The following MEMO1 variants were observed in gnomAD, a reference collection of about 807,000 sequenced individuals.
The protein encoded by MEMO1 is mediator of cell motility 1.
Under a neutral mutation model 45.2 loss-of-function variants are expected in MEMO1, and 6 were observed. That is an observed-to-expected ratio of 0.13 (90% CI 0.07 to 0.26). MEMO1 has a LOEUF of 0.26. Ranked by LOEUF, MEMO1 falls within the 10% of genes least tolerant of loss-of-function variation. The pLI is 1.00. For missense variants in MEMO1, 184 were observed against 370.5 expected, an observed-to-expected ratio of 0.50 and a Z score of 4.13; for synonymous variants, 78 against 124.3, an observed-to-expected ratio of 0.63 and a Z score of 2.48.
At chr2:31,970,970 C>T (rs925007471) in intron 2 of MEMO1, among the ~76,000 whole-genome samples, 4 of 152,206 alleles carry the variant, frequency 2.6e-5, no homozygotes, top group African/African-American at 2.4e-5. Flanking sequence ...CACCACTGCA[C>T]TCCAGCCTGG....
intron 2 of MEMO1, among the ~76,000 whole-genome samples, chr2:31,973,370 C>G (rs1572860871): frequency 6.6e-6 from 1 of 152,036 alleles, no homozygotes; most frequent in East Asian, 1.9e-4. Context: ...AGGAGAATTG[C>G]TTGAACCCAG....
chr2:32,006,771 C>T (rs1334628931), intron 2 of MEMO1, among the ~76,000 whole-genome samples: 2 of 151,940 alleles, frequency 1.3e-5, no homozygotes, highest in African/African-American at 4.8e-5. Context: ...TCAAGACCAG[C>T]CTGGCCAATA....
chr2:31,980,384 G>A (rs185548710), intron 2 of MEMO1, among the ~76,000 whole-genome samples: 7 of 152,208 alleles, frequency 4.6e-5, no homozygotes, highest in East Asian at 1.9e-4. Flanking sequence ...AATGAGCTAC[G>A]ATCACACCAC....
chr2:31,985,189 T>C (rs1671118385), intron 2 of MEMO1, among the ~76,000 whole-genome samples: 1 of 152,162 alleles, frequency 6.6e-6, no homozygotes, highest in Non-Finnish European at 1.5e-5. Flanking sequence ...ACTGGTTTTT[T>C]AAGAAAATAA....
intron 4 of MEMO1, chr2:31,923,788 A>G: frequency 6.7e-7 from 1 of 1,497,466 alleles, no homozygotes; most frequent in Non-Finnish European, 8.9e-7. Context: ...ATCTAAATTC[A>G]AGGCATACAT....
At chr2:31,946,835 C>A (rs1666252816) in intron 2 of MEMO1, among the ~76,000 whole-genome samples, 1 of 151,982 alleles carries the variant, frequency 6.6e-6, no homozygotes, top group African/African-American at 2.4e-5. Flanking sequence ...AGTGAGACTC[C>A]ATTGCAAAAA....
chr2:32,003,593 G>C (rs1241460795), intron 2 of MEMO1, among the ~76,000 whole-genome samples: 1 of 152,158 alleles, frequency 6.6e-6, no homozygotes, highest in Non-Finnish European at 1.5e-5. Context: ...GCATACATAT[G>C]CTCAAATCAA....
At chr2:31,943,513 G>C (rs1439057092) in intron 2 of MEMO1, 130 bp from the exon 3 acceptor site, 8 of 700,128 alleles carry the variant, frequency 1.1e-5, no homozygotes, top group Non-Finnish European at 1.3e-5. Flanking sequence ...TCATCAGTTG[G>C]GATGTTAATG....
chr2:31,987,101 T>C (rs1671354751), intron 2 of MEMO1, among the ~76,000 whole-genome samples: 1 of 152,182 alleles, frequency 6.6e-6, no homozygotes. Flanking sequence ...CTTACTGGGC[T>C]CATGTAATCC....
intron 8 of MEMO1, among the ~76,000 whole-genome samples, chr2:31,882,296 A>G (rs1675515131): frequency 6.6e-6 from 1 of 152,182 alleles, no homozygotes; most frequent in South Asian, 2.1e-4. Context: ...CAGCCTCAGT[A>G]ACGGAATGAG....
intron 2 of MEMO1, among the ~76,000 whole-genome samples, chr2:31,995,078 C>T (rs1672426449): frequency 6.6e-6 from 1 of 151,664 alleles, no homozygotes; most frequent in Admixed American, 6.6e-5. Context: ...ATACCCAGAC[C>T]CAGAAATTAT....
rs397800267 is a variant in MEMO1 at position 31,993,949 on chromosome 2, C to CTTTTTTTTT, written c.61+16229_61+16237dup. On this transcript the variant is annotated intron_variant, in intron 2 of 9. Coordinates refer to ENST00000404530, the MANE Select transcript of MEMO1 (RefSeq NM_001301833.4). The stretch of plus-strand genomic sequence containing the variant: ...AATACAGAAATATCATCAATACTTT[C>CTTTTTTTTT]TTTTTTTTTTTTTTTTTTTTTTTTT... Among the ~76,000 whole-genome samples the CTTTTTTTTT allele has an allele frequency of 1.4e-3, 101 of 73,616 alleles. 12 individuals are homozygous for CTTTTTTTTT. Among genetic ancestry groups the CTTTTTTTTT allele is most frequent in the African/African-American group, 1.8e-3 (36 of 20,526 alleles). The allele number at this position is 73,616 out of a possible 152,430, so 48.3% of individuals were successfully genotyped here. A position where few individuals can be genotyped will look rare whatever the true frequency, so the allele number is the denominator to read the frequency against.
At chr2:31,994,180 C>T (rs1464488515) in intron 2 of MEMO1, among the ~76,000 whole-genome samples, 4 of 148,036 alleles carry the variant, frequency 2.7e-5, no homozygotes, top group African/African-American at 9.9e-5. Context: ...AGGCTGGTCT[C>T]GAACTCCCAA....
intron 4 of MEMO1, 113 bp downstream of exon 4, chr2:31,931,954 T>C: frequency 1.2e-6 from 1 of 827,238 alleles, no homozygotes; most frequent in South Asian, 1.9e-5. Flanking sequence ...AAAAGTCAAA[T>C]CCCTCATGAA....
intron 2 of MEMO1, among the ~76,000 whole-genome samples, chr2:31,968,859 ACT>A (rs542340304): frequency 2.5e-3 from 384 of 152,042 alleles, no homozygotes; most frequent in Admixed American, 4.9e-3. Context: ...TCCATTTTTA[ACT>A]CTTTCTTCTC....
At chr2:31,988,969 G>A (rs1454904599) in intron 2 of MEMO1, among the ~76,000 whole-genome samples, 1 of 152,112 alleles carries the variant, frequency 6.6e-6, no homozygotes, top group Non-Finnish European at 1.5e-5. Context: ...CACTTTGAGA[G>A]GCCAAGGCAG....
intron 2 of MEMO1, chr2:31,963,024 G>A: frequency 8.4e-7 from 1 of 1,187,670 alleles, no homozygotes; most frequent in East Asian, 2.7e-5. Flanking sequence ...AAGCCTTCAA[G>A]CAACAACATC....
chr2:31,994,881 G>A (rs551366904), intron 2 of MEMO1, among the ~76,000 whole-genome samples: 18 of 151,756 alleles, frequency 1.2e-4, no homozygotes, highest in African/African-American at 3.6e-4. Context: ...CCTGGAGGTC[G>A]AGGCTGCAGT....
At chr2:31,976,774 C>A (rs777978230) in intron 2 of MEMO1, among the ~76,000 whole-genome samples, 35 of 151,834 alleles carry the variant, frequency 2.3e-4, no homozygotes, top group Non-Finnish European at 1.6e-4. Flanking sequence ...AAATTAAACA[C>A]CAAAATATTT....
Sources: allele counts gnomAD v4.1 joint callset (sites outside exome capture counted in the v4.1 genomes callset), GRCh38; gene constraint gnomAD v4.1.1; transcripts MANE v1.5; gene names NCBI Gene and HGNC (gene_info 2026-07-23, HGNC 2026-07-21).